The following PRDM16 variants were observed in gnomAD, a reference collection of about 807,000 sequenced individuals.
The protein encoded by PRDM16 is histone-lysine N-methyltransferase PRDM16.
In PRDM16, 23 loss-of-function variants were observed where a neutral mutation model predicts 110.6. The observed-to-expected ratio is 0.21, with a 90% CI of 0.15 to 0.29. PRDM16 has a LOEUF of 0.29. Ranked by LOEUF, PRDM16 falls within the 10% of genes least tolerant of loss-of-function variation. The pLI is 1.00. For synonymous variants in PRDM16, 799 were observed against 781.8 expected (o/e 1.02, Z -0.37); for missense variants, 1,615 against 1,794.3 (o/e 0.90, Z 1.81).
chr1:3,273,519 A>G (rs1487217333), intron 3 of PRDM16, among the ~76,000 whole-genome samples: 2 of 151,744 alleles, frequency 1.3e-5, no homozygotes, highest in East Asian at 3.9e-4. Flanking sequence ...GTACATGTCC[A>G]TGTGTGTACG....
At chr1:3,072,089 C>T (rs746681884) in intron 1 of PRDM16, among the ~76,000 whole-genome samples, 1 of 152,136 alleles carries the variant, frequency 6.6e-6, no homozygotes, top group South Asian at 2.1e-4. Flanking sequence ...CCACCTGAGC[C>T]TGGGGGCCAG....
intron 1 of PRDM16, among the ~76,000 whole-genome samples, chr1:3,097,500 A>G (rs975267971): frequency 2.0e-5 from 3 of 152,190 alleles, no homozygotes; most frequent in African/African-American, 7.2e-5. Context: ...CCCTCATTCC[A>G]TACAGGCCAG....
chr1:3,324,419 C>T (rs553955665), intron 3 of PRDM16, among the ~76,000 whole-genome samples: 1 of 152,356 alleles, frequency 6.6e-6, no homozygotes, highest in South Asian at 2.1e-4. Flanking sequence ...TCTCTCCACA[C>T]TCCCCGCGAT....
At chr1:3,365,982 A>G (rs1642806414) in intron 3 of PRDM16, among the ~76,000 whole-genome samples, 1 of 150,860 alleles carries the variant, frequency 6.6e-6, no homozygotes, top group Admixed American at 6.6e-5. Flanking sequence ...GCACACACGC[A>G]CACAAACATG....
chr1:3,405,433 C>T, intron 7 of PRDM16, 62 bp from the exon 8 acceptor site: 1 of 1,492,280 alleles, frequency 6.7e-7, no homozygotes, highest in Non-Finnish European at 8.9e-7. Flanking sequence ...GGTCCGCCAG[C>T]CAGAACCAGG....
intron 3 of PRDM16, among the ~76,000 whole-genome samples, chr1:3,380,448 G>A (rs1643082868): frequency 6.6e-6 from 1 of 152,120 alleles, no homozygotes; most frequent in Non-Finnish European, 1.5e-5. Flanking sequence ...TGGGAAATGA[G>A]AGTGACAAGG....
At chr1:3,332,404 C>A (rs1238188637) in intron 3 of PRDM16, among the ~76,000 whole-genome samples, 1 of 26,488 alleles carries the variant, frequency 3.8e-5, no homozygotes, top group Admixed American at 4.3e-4. Context: ...GTGGGGGGCT[C>A]GGGGCTGGGG....
At chr1:3,139,222 GC>G (rs1400019767) in intron 1 of PRDM16, among the ~76,000 whole-genome samples, 1 of 152,202 alleles carries the variant, frequency 6.6e-6, no homozygotes, top group East Asian at 1.9e-4. Context: ...GTGCCACCGG[GC>G]CTCCCCTATG....
At chr1:3,409,428 G>A (rs959929121) in intron 8 of PRDM16, among the ~76,000 whole-genome samples, 1 of 152,112 alleles carries the variant, frequency 6.6e-6, no homozygotes, top group Admixed American at 6.5e-5. Context: ...CCTTGAAAAC[G>A]CCCCGCCAGG....
rs1003765473 is a variant in PRDM16, at chr1:3,370,631, G to A, written c.439-14521G>A. On this transcript the variant is annotated intron_variant, in intron 3 of 16. Transcript: ENST00000270722. This position sits in a 1 kb window ranked among gnomAD's most constrained non-coding sequence, Gnocchi z 4.8. ...GGGACTGTGAGAGTGTCTGAGAGGA[G>A]CCTCACCCTGATGTGAGGGACCAGG... Among the ~76,000 whole-genome samples, 3 of 152,154 alleles carry A rather than the reference G, an allele frequency of 2.0e-5. No homozygotes were observed. Among genetic ancestry groups the A allele is most frequent in the Non-Finnish European group, 4.4e-5 (3 of 68,022 alleles).
chr1:3,387,684 G>A (rs1005265347), intron 4 of PRDM16, among the ~76,000 whole-genome samples: 1 of 152,246 alleles, frequency 6.6e-6, no homozygotes, highest in Non-Finnish European at 1.5e-5. Context: ...GAGGCTGGAG[G>A]AGACTCGCCG....
intron 5 of PRDM16, among the ~76,000 whole-genome samples, chr1:3,397,649 C>T (rs375908254): frequency 6.6e-6 from 1 of 152,382 alleles, no homozygotes; most frequent in Non-Finnish European, 1.5e-5. Flanking sequence ...TGGCCGTTTC[C>T]GGCGCTGGTG....
At chr1:3,204,098 C>A (rs1638694551) in intron 2 of PRDM16, among the ~76,000 whole-genome samples, 1 of 152,194 alleles carries the variant, frequency 6.6e-6, no homozygotes, top group Non-Finnish European at 1.5e-5. Context: ...AACGGTGGTG[C>A]CAACCCACGT....
At chr1:3,400,133 T>G (rs1484580895) in intron 5 of PRDM16, among the ~76,000 whole-genome samples, 1 of 152,218 alleles carries the variant, frequency 6.6e-6, no homozygotes, top group Non-Finnish European at 1.5e-5. Flanking sequence ...CAGCCCTGCT[T>G]CCTCGGCCCC....
At chr1:3,091,367 C>T (rs143920497) in intron 1 of PRDM16, among the ~76,000 whole-genome samples, 16 of 152,306 alleles carry the variant, frequency 1.1e-4, no homozygotes, top group East Asian at 9.7e-4. Context: ...AGGCCCGCAC[C>T]GAGACGACAG....
chr1:3,120,082 C>T (rs138312034), intron 1 of PRDM16, among the ~76,000 whole-genome samples: 150 of 152,330 alleles, frequency 9.8e-4, no homozygotes, highest in African/African-American at 3.5e-3. Context: ...TCAGTCTGCC[C>T]ACCACCAGCC....
chr1:3,211,040 A>G (rs893497796), intron 2 of PRDM16, among the ~76,000 whole-genome samples: 2 of 152,198 alleles, frequency 1.3e-5, no homozygotes, highest in African/African-American at 4.8e-5. Context: ...ATTAGTTTAG[A>G]TATTAGATAT....
chr1:3,405,695 G>A, intron 8 of PRDM16, 47 bp downstream of exon 8: 1 of 1,504,222 alleles, frequency 6.6e-7, no homozygotes, highest in Non-Finnish European at 8.9e-7. Context: ...GTGCGCGGAT[G>A]CCGTGGCGGT....
At chr1:3,172,391 A>C (rs1569754654) in intron 1 of PRDM16, among the ~76,000 whole-genome samples, 2 of 152,128 alleles carry the variant, frequency 1.3e-5, no homozygotes, top group Non-Finnish European at 2.9e-5. Flanking sequence ...AGATCTGGGC[A>C]GTGGGGCTGC....
Sources: gnomAD v4.1 joint callset for allele counts (sites outside exome capture counted in the v4.1 genomes callset) on GRCh38, gnomAD v4.1.1 for gene constraint, Gnocchi (gnomAD v3.1) non-coding constraint, MANE v1.5 for transcripts, NCBI Gene and HGNC (gene_info 2026-07-23, HGNC 2026-07-21) for gene names.